The following BBS9 variants were observed in gnomAD, a reference collection of about 807,000 sequenced individuals.
The protein encoded by BBS9 is Bardet-Biedl syndrome 9.
In BBS9, 89 loss-of-function variants were observed where a neutral mutation model predicts 117.7. The ratio of observed to expected loss-of-function variants is 0.76; its 90% CI spans 0.64 to 0.90. BBS9 has a LOEUF of 0.90. Among genes scored for constraint, BBS9 ranks in the 40% least tolerant of loss-of-function variants. The pLI, the probability that BBS9 is intolerant of heterozygous loss-of-function variation, is 0.00. For synonymous variants in BBS9, 379 were observed against 370.9 expected (o/e 1.02, Z -0.25); for missense variants, 982 against 1,042.2 (o/e 0.94, Z 0.80).
At chr7:33,306,457 T>C (rs1166513918) in intron 9 of BBS9, among the ~76,000 whole-genome samples, 1 of 152,070 alleles carries the variant, frequency 6.6e-6, no homozygotes, top group African/African-American at 2.4e-5. Context: ...ACGGAAAATA[T>C]GAAACTTTAT....
At chr7:33,469,685 CT>C (rs1264621129) in intron 19 of BBS9, among the ~76,000 whole-genome samples, 6 of 151,916 alleles carry the variant, frequency 3.9e-5, no homozygotes, top group Non-Finnish European at 7.4e-5. Flanking sequence ...AAAAAAGTAA[CT>C]TTTTTGCATC....
intron 19 of BBS9, among the ~76,000 whole-genome samples, chr7:33,403,410 A>G (rs1829300492): frequency 6.7e-6 from 1 of 149,312 alleles, no homozygotes; most frequent in African/African-American, 2.5e-5. Context: ...GGTGTGCTGC[A>G]CCCATTAACT....
intron 5 of BBS9, among the ~76,000 whole-genome samples, chr7:33,189,190 GT>G (rs145848343): frequency 0.012 from 1,803 of 150,500 alleles, 44 homozygotes; most frequent in African/African-American, 0.042. Flanking sequence ...CAGGCTATTT[GT>G]TTTTTTTTGT....
At chr7:33,308,484 T>G (rs1309359154) in intron 9 of BBS9, among the ~76,000 whole-genome samples, 1 of 152,212 alleles carries the variant, frequency 6.6e-6, no homozygotes, top group Non-Finnish European at 1.5e-5. Flanking sequence ...TACTAACATG[T>G]TATCATTGCT....
chr7:33,509,184 A>G (rs1846561853), intron 20 of BBS9, among the ~76,000 whole-genome samples: 1 of 152,206 alleles, frequency 6.6e-6, no homozygotes, highest in Non-Finnish European at 1.5e-5. Context: ...TATGCTCTTC[A>G]TCTTTAATTA....
chr7:33,413,638 G>A (rs1014677123), intron 19 of BBS9, among the ~76,000 whole-genome samples: 1 of 151,998 alleles, frequency 6.6e-6, no homozygotes. Context: ...GCTGGAGAGA[G>A]CCAACAGTTG....
chr7:33,179,337 G>A (rs1209706886), intron 5 of BBS9, among the ~76,000 whole-genome samples: 1 of 152,230 alleles, frequency 6.6e-6, no homozygotes, highest in Non-Finnish European at 1.5e-5. Context: ...TCCATGACCT[G>A]TTAGGAACCG....
At chr7:33,633,822 A>G (rs865857816) in intron 21 of BBS9, among the ~76,000 whole-genome samples, 4 of 152,062 alleles carry the variant, frequency 2.6e-5, no homozygotes, top group Middle Eastern at 3.2e-3. Flanking sequence ...CCTACAGCCT[A>G]CCTTTCCTCT....
chr7:33,554,936 A>G (rs1855053748), intron 21 of BBS9, among the ~76,000 whole-genome samples: 1 of 152,178 alleles, frequency 6.6e-6, no homozygotes, highest in Non-Finnish European at 1.5e-5. Flanking sequence ...AAGCAGCCAC[A>G]CAGAAGCCAA....
intron 9 of BBS9, among the ~76,000 whole-genome samples, chr7:33,287,246 C>T (rs1803081503): frequency 6.6e-6 from 1 of 152,180 alleles, no homozygotes; most frequent in South Asian, 2.1e-4. Context: ...CATCATTAGA[C>T]TCTTAATTTC....
chr7:33,501,595 T>TAAACA (rs1365645995), intron 19 of BBS9, among the ~76,000 whole-genome samples: 1 of 152,222 alleles, frequency 6.6e-6, no homozygotes, highest in Non-Finnish European at 1.5e-5. Flanking sequence ...CCATAACAGC[T>TAAACA]GTGTTTAGCA....
intron 20 of BBS9, among the ~76,000 whole-genome samples, chr7:33,521,403 G>A (rs1848572213): frequency 6.6e-6 from 1 of 152,174 alleles, no homozygotes; most frequent in South Asian, 2.1e-4. Flanking sequence ...ACAAAATGGT[G>A]TGGATAAACT....
intron 9 of BBS9, among the ~76,000 whole-genome samples, chr7:33,277,958 C>T (rs748239821): frequency 6.6e-6 from 1 of 152,114 alleles, no homozygotes; most frequent in Non-Finnish European, 1.5e-5. Flanking sequence ...ATCCTCCTAG[C>T]CTGGTGTTCT....
rs568777682 is a variant in BBS9, at chr7:33,573,808, C to T, written c.2522-31057C>T. On this transcript the variant is annotated intron_variant, in intron 21 of 22. Coordinates refer to ENST00000242067, the MANE Select transcript of BBS9 (RefSeq NM_198428.3). ...AGTGAAATAGTGAAGATGCAGATAG[C>T]CAAGGAGTAGAAGAGAGTAGGGTAT... Among the ~76,000 whole-genome samples, 302 of 152,078 alleles carry T rather than the reference C, an allele frequency of 2.0e-3. 1 individual carries two copies. Among genetic ancestry groups the T allele is most frequent in the Admixed American group, 3.1e-3 (47 of 15,254 alleles).
intron 5 of BBS9, among the ~76,000 whole-genome samples, chr7:33,231,472 A>G (rs1583767645): frequency 1.0e-5 from 1 of 95,774 alleles, no homozygotes; most frequent in African/African-American, 4.0e-5. Flanking sequence ...TTTGATTGCT[A>G]TGGCTTTGTA....
At chr7:33,468,132 G>A (rs543303571) in intron 19 of BBS9, among the ~76,000 whole-genome samples, 1 of 152,158 alleles carries the variant, frequency 6.6e-6, no homozygotes, top group Non-Finnish European at 1.5e-5. Context: ...GTAGGAGGAA[G>A]AAGATGAAAA....
chr7:33,452,904 T>C (rs1364439774), intron 19 of BBS9, among the ~76,000 whole-genome samples: 1 of 152,180 alleles, frequency 6.6e-6, no homozygotes. Flanking sequence ...GCTGAATAAA[T>C]TTATAATCAA....
chr7:33,618,136 T>TA (rs1489305406), intron 21 of BBS9, among the ~76,000 whole-genome samples: 3 of 152,192 alleles, frequency 2.0e-5, no homozygotes, highest in Non-Finnish European at 4.4e-5. Flanking sequence ...GGCCAGGAAT[T>TA]AGAGACCAAC....
In BBS9 at chr7:33,420,742, C is replaced by T. The variant is rs10225698; in HGVS notation, c.2115+32598C>T. ...ATGCAGATTATAAAGTCAAAAGAAG[C>T]GGTCATTCCAGACTTTTCTTTCCAG... On this transcript the variant is annotated intron_variant, in intron 19 of 22. Coordinates refer to ENST00000242067, the MANE Select transcript of BBS9 (RefSeq NM_198428.3). Among the ~76,000 whole-genome samples the T allele has an allele frequency of 1.1e-3, 163 of 152,054 alleles. 1 individual carries two copies. Among genetic ancestry groups the T allele is most frequent in the South Asian group, 6.2e-4 (3 of 4,824 alleles).
Sources: allele counts gnomAD v4.1 joint callset (sites outside exome capture counted in the v4.1 genomes callset), GRCh38; gene constraint gnomAD v4.1.1; transcripts MANE v1.5; gene names NCBI Gene and HGNC (gene_info 2026-07-23, HGNC 2026-07-21).